The following SNX7 variants were observed in gnomAD, a reference collection of about 807,000 sequenced individuals.
The protein encoded by SNX7 is sorting nexin 7.
SNX7 carries 35 observed loss-of-function variants against 48.4 expected under a neutral mutation model. The ratio of observed to expected loss-of-function variants is 0.72; its 90% CI spans 0.55 to 0.96. SNX7 has a LOEUF of 0.96. Among genes scored for constraint, SNX7 ranks in the 40% least tolerant of loss-of-function variants. The probability of loss-of-function intolerance (pLI) is 0.00; values close to 1 mark genes in which losing one functional copy is unlikely to be tolerated. For synonymous variants in SNX7, 190 were observed against 190.2 expected (o/e 1.00, Z 0.01); for missense variants, 553 against 548.9 (o/e 1.01, Z -0.07).
chr1:98,673,652 A>G (rs1174600268), intron 1 of SNX7, among the ~76,000 whole-genome samples: 3 of 152,186 alleles, frequency 2.0e-5, no homozygotes, highest in Non-Finnish European at 4.4e-5. Flanking sequence ...AAATGAAATC[A>G]AAATACTATA....
intron 7 of SNX7, among the ~76,000 whole-genome samples, chr1:98,735,765 AT>A (rs1653742844): frequency 6.6e-6 from 1 of 152,120 alleles, no homozygotes; most frequent in South Asian, 2.1e-4. Flanking sequence ...TTTTACCTTT[AT>A]TTTACAGATA....
At chr1:98,734,203 C>A (rs1294805763) in intron 7 of SNX7, among the ~76,000 whole-genome samples, 6 of 152,168 alleles carry the variant, frequency 3.9e-5, no homozygotes, top group Non-Finnish European at 7.3e-5. Context: ...ACCCCACAAT[C>A]AGAATCAATC....
At chr1:98,667,417 C>G (rs569693143) in intron 1 of SNX7, among the ~76,000 whole-genome samples, 1 of 152,186 alleles carries the variant, frequency 6.6e-6, no homozygotes, top group Non-Finnish European at 1.5e-5. Context: ...ACTCTGTCAC[C>G]CAGGCTAGAG....
At chr1:98,741,282 TAAATATC>T (rs1405682186) in intron 8 of SNX7, among the ~76,000 whole-genome samples, 1 of 152,144 alleles carries the variant, frequency 6.6e-6, no homozygotes, top group Admixed American at 6.6e-5. Context: ...AATTAAAAGT[TAAATATC>T]AAAATGGCAG....
chr1:98,748,966 T>C (rs1011137445), intron 8 of SNX7, among the ~76,000 whole-genome samples: 9 of 152,048 alleles, frequency 5.9e-5, no homozygotes, highest in African/African-American at 2.2e-4. Flanking sequence ...AATCCAGAGG[T>C]AAATGTGCTT....
intron 1 of SNX7, among the ~76,000 whole-genome samples, chr1:98,671,973 T>C (rs1434980829): frequency 6.6e-6 from 1 of 152,198 alleles, no homozygotes; most frequent in Admixed American, 6.5e-5. Context: ...TAAAGCCTTA[T>C]GTGTAACCAG....
intron 7 of SNX7, among the ~76,000 whole-genome samples, chr1:98,718,446 T>C (rs1250349310): frequency 1.3e-5 from 2 of 152,004 alleles, no homozygotes; most frequent in Non-Finnish European, 1.5e-5. Flanking sequence ...CCTACAAATA[T>C]TACTTCCCAA....
intron 7 of SNX7, among the ~76,000 whole-genome samples, chr1:98,715,552 G>A (rs1652542954): frequency 6.6e-6 from 1 of 152,134 alleles, no homozygotes; most frequent in African/African-American, 2.4e-5. Context: ...ATTTATTCAT[G>A]TATGAATTTG....
At chr1:98,691,004 C>G (rs1651087383) in intron 2 of SNX7, 71 bp from the exon 3 acceptor site, 2 of 928,150 alleles carry the variant, frequency 2.2e-6, no homozygotes, top group Non-Finnish European at 3.1e-6. Context: ...TTCACAATGT[C>G]TAAAATAACG....
At chr1:98,732,658 A>G (rs970475480) in intron 7 of SNX7, among the ~76,000 whole-genome samples, 3 of 152,064 alleles carry the variant, frequency 2.0e-5, no homozygotes, top group African/African-American at 4.8e-5. Context: ...TTTCTTTCAC[A>G]TCGGTAAGTC....
chr1:98,755,722 C>T (rs1282236967), intron 8 of SNX7, among the ~76,000 whole-genome samples: 2 of 151,850 alleles, frequency 1.3e-5, no homozygotes, highest in East Asian at 1.9e-4. Context: ...CCTCGACCAC[C>T]CAAACTGCTG....
chr1:98,687,557 G>A (rs1385262644), intron 2 of SNX7, among the ~76,000 whole-genome samples: 1 of 152,028 alleles, frequency 6.6e-6, no homozygotes, highest in African/African-American at 2.4e-5. Flanking sequence ...CAAGTATTGT[G>A]CTTATATATT....
At chr1:98,739,532 T>C (rs527288110) in intron 8 of SNX7, among the ~76,000 whole-genome samples, 6 of 152,198 alleles carry the variant, frequency 3.9e-5, no homozygotes, top group African/African-American at 1.4e-4. Flanking sequence ...CCGTTTCTCA[T>C]GTAGTTACAG....
At chr1:98,690,252 G>T (rs1156705720) in intron 2 of SNX7, among the ~76,000 whole-genome samples, 1 of 151,956 alleles carries the variant, frequency 6.6e-6, no homozygotes, top group African/African-American at 2.4e-5. Context: ...ATAAGGTATT[G>T]GTGTGAGTGA....
intron 7 of SNX7, among the ~76,000 whole-genome samples, chr1:98,709,907 T>C (rs532055221): frequency 1.3e-5 from 2 of 152,310 alleles, no homozygotes; most frequent in South Asian, 4.1e-4. Context: ...TAGAGTACAA[T>C]TGTGGAAGCT....
At chr1:98,737,013 C>T (rs995595360) in intron 7 of SNX7, among the ~76,000 whole-genome samples, 3 of 152,108 alleles carry the variant, frequency 2.0e-5, no homozygotes, top group Non-Finnish European at 4.4e-5. Flanking sequence ...CCATAGACTA[C>T]ATGGCTCAGT....
At chr1:98,740,851 A>G (rs1654035865) in intron 8 of SNX7, among the ~76,000 whole-genome samples, 1 of 152,156 alleles carries the variant, frequency 6.6e-6, no homozygotes, top group Admixed American at 6.6e-5. Flanking sequence ...AAATGTATAA[A>G]TTTGGAGGGA....
At chr1:98,672,516 T>A (rs1649924688) in intron 1 of SNX7, among the ~76,000 whole-genome samples, 1 of 150,812 alleles carries the variant, frequency 6.6e-6, no homozygotes, top group African/African-American at 2.4e-5. Flanking sequence ...CCTCTAACAA[T>A]GGTTTTGTGG....
Position 98,738,387 on chromosome 1 carries a change from C to T in SNX7, c.1276C>T (p.Gln426Ter), listed in dbSNP as rs1433264624. ...MAEENIHYYE[Q>*]CLATWESFLT... is the part of the protein sequence containing the mutation. ...TGAGGAGAATATCCATTATTATGAA[C>T]AGGTAATTAGTGTTGTTTGATATTG... Residue 426 changes from glutamine to a stop codon, truncating the protein, a stop_gained and splice_region_variant, in exon 8 of 9, where the codon CAG becomes TAG. Coordinates refer to ENST00000306121, the MANE Select transcript of SNX7 (RefSeq NM_015976.5). LOFTEE classifies it low-confidence loss of function (END_TRUNC). 6.2e-6 allele frequency: 10 copies of T among 1,611,984 alleles called. No individual in the cohort carries two copies. The highest frequency in any genetic ancestry group is 1.3e-5 in the African/African-American group (1 of 74,844).
Sources: allele counts gnomAD v4.1 joint callset (sites outside exome capture counted in the v4.1 genomes callset), GRCh38; gene constraint gnomAD v4.1.1; transcripts MANE v1.5; gene names NCBI Gene and HGNC (gene_info 2026-07-23, HGNC 2026-07-21).